The following ITGA8 variants were observed in gnomAD, a reference collection of about 807,000 sequenced individuals.
ITGA8 encodes integrin alpha-8.
Under a neutral mutation model 142.3 loss-of-function variants are expected in ITGA8, and 91 were observed. That is an observed-to-expected ratio of 0.64 (90% CI 0.54 to 0.76). The LOEUF (loss-of-function observed/expected upper bound fraction) is 0.76, where lower values mean the gene tolerates loss of function less well. ITGA8 is among the 30% of genes least tolerant of loss of function. The pLI, the probability that ITGA8 is intolerant of heterozygous loss-of-function variation, is 0.00. For missense variants in ITGA8, 1,406 were observed against 1,327.7 expected, an observed-to-expected ratio of 1.06 and a Z score of -0.92; for synonymous variants, 505 against 485.2, an observed-to-expected ratio of 1.04 and a Z score of -0.54.
intron 28 of ITGA8, among the ~76,000 whole-genome samples, chr10:15,530,541 CAAAAAAAA>C (rs57521125): frequency 2.7e-5 from 2 of 75,214 alleles, no homozygotes; most frequent in Non-Finnish European, 4.5e-5. Flanking sequence ...GCGAGACTCT[CAAAAAAAA>C]AAAAAAAAAA....
At chr10:15,645,865 G>A (rs1285205847) in intron 12 of ITGA8, among the ~76,000 whole-genome samples, 1 of 152,034 alleles carries the variant, frequency 6.6e-6, no homozygotes, top group Non-Finnish European at 1.5e-5. Context: ...TACTTGGAGG[G>A]GTTTCATAAA....
chr10:15,604,941 G>A (rs894545618), intron 19 of ITGA8, among the ~76,000 whole-genome samples: 2 of 152,128 alleles, frequency 1.3e-5, no homozygotes, highest in African/African-American at 4.8e-5. Context: ...ACTTAGAACT[G>A]CAAATCAAGC....
At chr10:15,573,576 G>T (rs565883768) in intron 24 of ITGA8, among the ~76,000 whole-genome samples, 1 of 152,268 alleles carries the variant, frequency 6.6e-6, no homozygotes, top group Admixed American at 6.5e-5. Flanking sequence ...AGGGTTTCAT[G>T]CTGATGCTGC....
chr10:15,710,777 A>G (rs1268420407), intron 2 of ITGA8, among the ~76,000 whole-genome samples: 1 of 152,212 alleles, frequency 6.6e-6, no homozygotes, highest in Non-Finnish European at 1.5e-5. Context: ...CAACCTGGCC[A>G]CAGGAGATTG....
intron 18 of ITGA8, 30 bp downstream of exon 18, chr10:15,606,255 A>G: frequency 6.4e-7 from 1 of 1,570,878 alleles, no homozygotes; most frequent in Non-Finnish European, 8.7e-7. Context: ...TTGCTTGAGA[A>G]AATGCCGTCA....
chr10:15,520,349 G>A (rs2131530990), intron 28 of ITGA8, among the ~76,000 whole-genome samples: 1 of 152,302 alleles, frequency 6.6e-6, no homozygotes, highest in East Asian at 1.9e-4. Context: ...GGAGGTGGAG[G>A]TTGTAGTGAG....
chr10:15,604,296 C>A lies in ITGA8; in HGVS notation c.2030G>T (p.Arg677Ile). The change falls in exon 20 of 30, where the codon AGA becomes ATA. Residue 677 changes from arginine to isoleucine, a missense_variant. Coordinates refer to ENST00000378076, the MANE Select transcript of ITGA8 (RefSeq NM_003638.3). ...ENHLMLIINA[R>I]NEGEGAYEAE... ...TTCATATGCTCCTTCCCCTTCATTTCTTGCATTTATTATGAGCATAAGGTG... is the reference window on the plus strand; with the variant it reads ...TTCATATGCTCCTTCCCCTTCATTTATTGCATTTATTATGAGCATAAGGTG... 6.2e-7 allele frequency: 1 copy of A among 1,612,630 alleles called. No homozygotes were observed. The highest frequency in any genetic ancestry group is 8.5e-7 in the Non-Finnish European group (1 of 1,178,834).
At chr10:15,652,740 C>G (rs1023156000) in intron 11 of ITGA8, among the ~76,000 whole-genome samples, 1 of 152,310 alleles carries the variant, frequency 6.6e-6, no homozygotes, top group African/African-American at 2.4e-5. Flanking sequence ...ACTATAACTT[C>G]GAAATACATG....
At chr10:15,693,515 C>G (rs1276758038) in intron 2 of ITGA8, among the ~76,000 whole-genome samples, 1 of 152,106 alleles carries the variant, frequency 6.6e-6, no homozygotes, top group Admixed American at 6.5e-5. Flanking sequence ...AAAACAAGTT[C>G]TGGAAATCCT....
rs561532394 is a variant in ITGA8, at chr10:15,605,706, T to A, written c.1970+18A>T. The A allele has an allele frequency of 1.9e-6, 3 of 1,593,732 alleles. No individual in the cohort carries two copies. In the South Asian group the frequency reaches 3.3e-5, roughly 18 times the overall value. On this transcript the variant is annotated intron_variant, in intron 19 of 29. Transcript: ENST00000378076. ...ATTCCATTAGATAGAAAGTACACAT[T>A]TAGTTATTTAAACTTACGGTCTAGC...
intron 23 of ITGA8, among the ~76,000 whole-genome samples, chr10:15,583,771 G>T (rs1179732728): frequency 1.3e-5 from 2 of 152,086 alleles, no homozygotes; most frequent in East Asian, 1.9e-4. Context: ...GTTCTATATT[G>T]TATGTTCTTT....
chr10:15,546,720 G>A (rs1338878535), intron 27 of ITGA8, among the ~76,000 whole-genome samples: 1 of 151,286 alleles, frequency 6.6e-6, no homozygotes, highest in Non-Finnish European at 1.5e-5. Flanking sequence ...AGTAAGAAAG[G>A]AAGGAAGGAA....
At chr10:15,696,861 C>CAAAAAAAAAAAA (rs750418009) in intron 2 of ITGA8, among the ~76,000 whole-genome samples, 1 of 52,562 alleles carries the variant, frequency 1.9e-5, no homozygotes, top group Admixed American at 2.0e-4. Context: ...TAACTCTTAC[C>CAAAAAAAAAAAA]AAAAAAAAAA....
chr10:15,627,964 GA>G (rs1370041639), intron 13 of ITGA8, among the ~76,000 whole-genome samples: 1 of 144,996 alleles, frequency 6.9e-6, no homozygotes, highest in East Asian at 2.1e-4. Context: ...ATGGTGACGG[GA>G]GTGACCTCTG....
At chr10:15,685,387 G>C (rs771675363) in intron 3 of ITGA8, among the ~76,000 whole-genome samples, 1 of 152,176 alleles carries the variant, frequency 6.6e-6, no homozygotes, top group Non-Finnish European at 1.5e-5. Context: ...GTTGCGTACT[G>C]TACAAATATT....
At chr10:15,710,655 G>C (rs1365539491) in intron 2 of ITGA8, among the ~76,000 whole-genome samples, 1 of 152,190 alleles carries the variant, frequency 6.6e-6, no homozygotes, top group African/African-American at 2.4e-5. Context: ...GTGCTGTGTG[G>C]CACTGTGACA....
chr10:15,550,992 C>T (rs543213758), intron 26 of ITGA8, among the ~76,000 whole-genome samples: 1 of 152,074 alleles, frequency 6.6e-6, no homozygotes, highest in African/African-American at 2.4e-5. Context: ...AGAATAGAGA[C>T]ATGATGACTA....
intron 26 of ITGA8, among the ~76,000 whole-genome samples, chr10:15,556,483 A>G (rs563897114): frequency 2.2e-4 from 33 of 152,218 alleles, no homozygotes; most frequent in African/African-American, 7.9e-4. Flanking sequence ...TGCCCCCCAT[A>G]CCAGACCCAG....
At chr10:15,643,096 AC>A (rs1270731990) in intron 13 of ITGA8, among the ~76,000 whole-genome samples, 1 of 152,232 alleles carries the variant, frequency 6.6e-6, no homozygotes, top group Non-Finnish European at 1.5e-5. Flanking sequence ...ATCTTTTAAG[AC>A]AAATCAATGT....
Sources: gnomAD v4.1 joint callset for allele counts (sites outside exome capture counted in the v4.1 genomes callset) on GRCh38, gnomAD v4.1.1 for gene constraint, MANE v1.5 for transcripts, NCBI Gene and HGNC (gene_info 2026-07-23, HGNC 2026-07-21) for gene names.